SLCO3A1: variants seen among roughly 807,000 people sequenced by gnomAD.
SLCO3A1 encodes PGE1 transporter.
In SLCO3A1, 27 loss-of-function variants were observed where a neutral mutation model predicts 63.1. The ratio of observed to expected loss-of-function variants is 0.43; its 90% CI spans 0.32 to 0.59. The LOEUF (loss-of-function observed/expected upper bound fraction) is 0.59. Among genes scored for constraint, SLCO3A1 ranks in the 20% least tolerant of loss-of-function variants. SLCO3A1 has a pLI of 0.09. For missense variants in SLCO3A1, 773 were observed against 945.8 expected, an observed-to-expected ratio of 0.82 and a Z score of 2.40; for synonymous variants, 473 against 409.9, an observed-to-expected ratio of 1.15 and a Z score of -1.86.
In SLCO3A1 at chr15:91,941,152, C is replaced by T. The variant is rs191545736; in HGVS notation, c.646+24694C>T. 2.2e-3 allele frequency among the ~76,000 whole-genome samples: 340 copies of T among 152,318 alleles called. 2 individuals carry two copies. Among genetic ancestry groups the T allele is most frequent in the African/African-American group, 7.8e-3 (325 of 41,570 alleles). ...TACAATGGGAAATTAATTCTGTAGG[C>T]TCCCTTGCCTGGTTGTGGGCAGCAC... On this transcript the variant is annotated intron_variant, in intron 2 of 9. Coordinates refer to ENST00000318445, the MANE Select transcript of SLCO3A1 (RefSeq NM_013272.4). This position sits in a 1 kb window ranked among gnomAD's most constrained non-coding sequence, Gnocchi z 4.4.
chr15:92,007,511 A>G (rs1303739060), intron 2 of SLCO3A1, among the ~76,000 whole-genome samples: 2 of 152,136 alleles, frequency 1.3e-5, no homozygotes, highest in Non-Finnish European at 2.9e-5. Flanking sequence ...CTGAATAGGG[A>G]TAGTGTGGAA....
At position 91,854,000 on chromosome 15, in the gene SLCO3A1, A is replaced by G; in HGVS notation, c.92A>G (p.Lys31Arg). Residue 31 changes from lysine (K) to arginine (R), a missense_variant, in exon 1 of 10, where the codon AAG (lysine) becomes AGG (arginine). Physicochemically the swap from Lys to Arg is conservative, Grantham distance 26. Around this residue, in one of 3 missense-constraint regions of SLCO3A1, gnomAD observed 69 missense variants for 64.6 expected, o/e 1.07. Coordinates refer to ENST00000318445, the MANE Select transcript of SLCO3A1 (RefSeq NM_013272.4). ...GCGCAGAGGAACAAGAAAAAGAAAAAGAAGGTGTCCTGCTTTTCCAACATC... is the reference window on the plus strand; with the variant it reads ...GCGCAGAGGAACAAGAAAAAGAAAAGGAAGGTGTCCTGCTTTTCCAACATC... ...DEAQRNKKKKKKVSCFSNIKI... is the reference protein window; with the variant it reads ...DEAQRNKKKKRKVSCFSNIKI... 6.5e-7 allele frequency: 1 copy of G among 1,543,434 alleles called. No individual in the cohort carries two copies. The highest frequency in any genetic ancestry group is 1.9e-5 in the Admixed American group (1 of 52,662).
At chr15:91,896,216 C>T (rs900046968) in intron 1 of SLCO3A1, among the ~76,000 whole-genome samples, 11 of 152,258 alleles carry the variant, frequency 7.2e-5, no homozygotes, top group African/African-American at 1.7e-4. Flanking sequence ...GAAATGCTCC[C>T]GGCATAAGCA....
At chr15:92,158,979 C>T (rs2048404400) in intron 9 of SLCO3A1, among the ~76,000 whole-genome samples, 1 of 152,174 alleles carries the variant, frequency 6.6e-6, no homozygotes, top group South Asian at 2.1e-4. Context: ...TAAAATACCA[C>T]CCCAAATCCC....
chr15:92,155,307 T>G (rs971827974), intron 9 of SLCO3A1: 1 of 152,238 alleles, frequency 6.6e-6, no homozygotes, highest in Non-Finnish European at 1.5e-5. Context: ...CAAATTAAAT[T>G]ATTGGAAACA....
intron 2 of SLCO3A1, among the ~76,000 whole-genome samples, chr15:92,077,777 G>T (rs978378931): frequency 1.3e-5 from 2 of 152,170 alleles, no homozygotes; most frequent in Admixed American, 6.5e-5. Context: ...CTCTGCAGGC[G>T]CTGGTTCCTT....
chr15:92,140,280 G>C (rs2048113293), intron 7 of SLCO3A1, among the ~76,000 whole-genome samples: 1 of 136,376 alleles, frequency 7.3e-6, no homozygotes, highest in Admixed American at 7.5e-5. Context: ...CCATGTAGTT[G>C]AGCGGTTTTG....
At position 92,165,901 on chromosome 15, in the gene SLCO3A1, G is replaced by A. The variant is rs1265124462; in HGVS notation, c.*2766G>A. 2 of 985,202 alleles carry A rather than the reference G, an allele frequency of 2.0e-6. No homozygotes were observed. Among genetic ancestry groups the A allele is most frequent in the East Asian group, 2.3e-4 (2 of 8,818 alleles). The allele number at this position is 985,202 out of a possible 1,614,324, so 61.0% of individuals were successfully genotyped here. A position where few individuals can be genotyped will look rare whatever the true frequency, so the allele number is the denominator to read the frequency against. On this transcript the variant is annotated 3_prime_UTR_variant, in exon 10 of 10. Transcript: ENST00000318445. Reference sequence around the variant, plus strand: ...ACGGGATGGAATAAACCTAGAAAGTGAATGCTAGAGTTCTCTCTCTTCTGC... The same window carrying A: ...ACGGGATGGAATAAACCTAGAAAGTAAATGCTAGAGTTCTCTCTCTTCTGC...
At chr15:92,074,027 T>C (rs965095354) in intron 2 of SLCO3A1, among the ~76,000 whole-genome samples, 2 of 152,114 alleles carry the variant, frequency 1.3e-5, no homozygotes, top group African/African-American at 2.4e-5. Context: ...AAAAATTAGC[T>C]GGGCATGGTG....
chr15:91,945,494 G>A (rs953935555), intron 2 of SLCO3A1, among the ~76,000 whole-genome samples: 4 of 152,194 alleles, frequency 2.6e-5, no homozygotes, highest in Non-Finnish European at 4.4e-5. Flanking sequence ...ACACAATAGC[G>A]GCAAGTTGTA....
intron 4 of SLCO3A1, among the ~76,000 whole-genome samples, chr15:92,119,991 T>G (rs1421251387): frequency 1.3e-5 from 2 of 151,848 alleles, no homozygotes; most frequent in Non-Finnish European, 2.9e-5. Context: ...AAGTATATTT[T>G]CTTACACATA....
chr15:92,082,307 A>T (rs2047356752), intron 2 of SLCO3A1, among the ~76,000 whole-genome samples: 1 of 152,226 alleles, frequency 6.6e-6, no homozygotes, highest in Non-Finnish European at 1.5e-5. Flanking sequence ...ATGTGGCAAT[A>T]CATTTATATA....
At chr15:92,130,134 C>G (rs1379094029) in intron 7 of SLCO3A1, among the ~76,000 whole-genome samples, 1 of 152,216 alleles carries the variant, frequency 6.6e-6, no homozygotes, top group Non-Finnish European at 1.5e-5. Context: ...AAATGAGTCT[C>G]TATTCCAGGG....
In SLCO3A1 at chr15:92,112,316, A is replaced by G. The variant is rs188829731; in HGVS notation, c.1009+7774A>G. ...CACACCAGCAGTTCCTGGTATCTGA[A>G]GCTGCTCGTGGAGGCTTTTGTGAAA... On this transcript the variant is annotated intron_variant, in intron 4 of 9. Coordinates refer to ENST00000318445, the MANE Select transcript of SLCO3A1 (RefSeq NM_013272.4). 5.9e-5 allele frequency among the ~76,000 whole-genome samples: 9 copies of G among 152,326 alleles called. No individual in the cohort carries two copies. In the East Asian group the frequency reaches 1.7e-3, roughly 29 times the overall value.
chr15:91,917,358 G>A (rs1898696730), intron 2 of SLCO3A1, among the ~76,000 whole-genome samples: 1 of 152,126 alleles, frequency 6.6e-6, no homozygotes, highest in Non-Finnish European at 1.5e-5. Context: ...ATTATATTAT[G>A]GAGTTTTAAG....
intron 2 of SLCO3A1, among the ~76,000 whole-genome samples, chr15:92,046,675 G>C (rs893859649): frequency 1.3e-5 from 2 of 152,032 alleles, no homozygotes; most frequent in Non-Finnish European, 2.9e-5. Context: ...CAGTGTTGAA[G>C]AATCAACTGT....
intron 1 of SLCO3A1, among the ~76,000 whole-genome samples, chr15:91,880,170 C>CATCCATCCATCCATCTATCTATCTATCT (rs1337739872): frequency 1.6e-5 from 2 of 126,180 alleles, no homozygotes; most frequent in African/African-American, 6.3e-5. Context: ...TCCATCCATC[C>CATCCATCCATCCATCTATCTATCTATCT]ATCTATCTAT....
chr15:92,025,556 C>A (rs2046563237), intron 2 of SLCO3A1, among the ~76,000 whole-genome samples: 1 of 152,210 alleles, frequency 6.6e-6, no homozygotes, highest in Admixed American at 6.5e-5. Context: ...GGCTCTGGGC[C>A]AGGCACTTTC....
chr15:91,909,234 G>C (rs1898408063), intron 1 of SLCO3A1, among the ~76,000 whole-genome samples: 1 of 152,190 alleles, frequency 6.6e-6, no homozygotes, highest in Admixed American at 6.5e-5. Context: ...AATTTATAGA[G>C]ATCAGGGGTT....
Sources: gnomAD v4.1 joint callset for allele counts (sites outside exome capture counted in the v4.1 genomes callset) on GRCh38, gnomAD v4.1.1 for gene constraint, gnomAD v4.1.1 regional missense constraint, Gnocchi (gnomAD v3.1) non-coding constraint, MANE v1.5 for transcripts, NCBI Gene and HGNC (gene_info 2026-07-23, HGNC 2026-07-21) for gene names.